PRDM16: variants seen among roughly 807,000 people sequenced by gnomAD.
PRDM16 encodes the protein PR/SET domain 16.
PRDM16 carries 23 observed loss-of-function variants against 110.6 expected under a neutral mutation model. The ratio of observed to expected loss-of-function variants is 0.21; its 90% CI spans 0.15 to 0.29. PRDM16 has a LOEUF of 0.29. PRDM16 is among the 10% of genes least tolerant of loss of function. PRDM16 has a pLI of 1.00. For synonymous variants in PRDM16, 799 were observed against 781.8 expected (o/e 1.02, Z -0.37); for missense variants, 1,615 against 1,794.3 (o/e 0.90, Z 1.81).
Position 3,114,331 on chromosome 1 carries a change from AAC to A in PRDM16, c.37+45037_37+45038del, listed in dbSNP as rs748908570. Reference sequence around the variant, plus strand: ...CACACACACGCACACACGCAGTGTAAACAGACGCGCACGCATGCACACATGCA... The same window carrying A: ...CACACACACGCACACACGCAGTGTAAAGACGCGCACGCATGCACACATGCA... On this transcript the variant is annotated intron_variant, in intron 1 of 16. Coordinates refer to ENST00000270722, the MANE Select transcript of PRDM16 (RefSeq NM_022114.4). Among the ~76,000 whole-genome samples the A allele has an allele frequency of 7.2e-4, 104 of 144,964 alleles. 1 individual carries two copies. The highest frequency in any genetic ancestry group is 1.3e-3 in the Non-Finnish European group (89 of 66,782).
In PRDM16 at chr1:3,436,656, G is replaced by C. The variant is rs1019159169; in HGVS notation, c.*2845G>C. 8.8e-6 allele frequency: 2 copies of C among 228,114 alleles called. No individual in the cohort carries two copies. The highest frequency in any genetic ancestry group is 4.5e-5 in the African/African-American group (2 of 44,702). The allele number at this position is 228,114 out of a possible 1,614,324, so 14.1% of individuals were successfully genotyped here. A position where few individuals can be genotyped will look rare whatever the true frequency, so the allele number is the denominator to read the frequency against. The stretch of plus-strand genomic sequence containing the variant: ...CCTCCCAGTTTTGCTCTGCCCAGCA[G>C]TGTTGGTGCCCAGAGATGACAAGGG... On this transcript the variant is annotated 3_prime_UTR_variant, in exon 17 of 17. Transcript: ENST00000270722.
At position 3,277,815 on chromosome 1, in the gene PRDM16, G is replaced by A. The variant is rs371861127; in HGVS notation, c.438+33678G>A. ...CACACAAACGCACAGTTGTGAACACGAGCATATGCACATGCACACACGTGC... is the reference window on the plus strand; with the variant it reads ...CACACAAACGCACAGTTGTGAACACAAGCATATGCACATGCACACACGTGC... On this transcript the variant is annotated intron_variant, in intron 3 of 16. Coordinates refer to ENST00000270722, the MANE Select transcript of PRDM16 (RefSeq NM_022114.4). Among the ~76,000 whole-genome samples, 62 of 137,184 alleles carry A rather than the reference G, an allele frequency of 4.5e-4. 1 individual carries two copies. The East Asian group carries it at 0.01, about 23-fold the overall frequency. The allele number at this position is 137,184 out of a possible 152,430, so 90.0% of individuals were successfully genotyped here.
rs1638915910 is a variant in PRDM16 at position 3,212,618 on chromosome 1, A to ATCCTCCCGGCCCCCTCGCTGC, written c.387+26144_387+26145insTCCTCCCGGCCCCCTCGCTGC. On this transcript the variant is annotated intron_variant, in intron 2 of 16. Coordinates refer to ENST00000270722, the MANE Select transcript of PRDM16 (RefSeq NM_022114.4). Reference sequence around the variant, plus strand: ...GCTCATCCTCCCGGCCCCCTCGCTGAGGTCCTCCCGCTCATCCTCCCGGCC... The same window carrying ATCCTCCCGGCCCCCTCGCTGC: ...GCTCATCCTCCCGGCCCCCTCGCTGATCCTCCCGGCCCCCTCGCTGCGGTCCTCCCGCTCATCCTCCCGGCC... Among the ~76,000 whole-genome samples, 614 of 122,616 alleles carry ATCCTCCCGGCCCCCTCGCTGC rather than the reference A, an allele frequency of 5.0e-3. 93 individuals are homozygous for ATCCTCCCGGCCCCCTCGCTGC. The highest frequency in any genetic ancestry group is 0.016 in the African/African-American group (428 of 27,360). 80.4% of individuals were successfully genotyped at this position (122,616 alleles called of 152,430 possible). A position where few individuals can be genotyped will look rare whatever the true frequency, so the allele number is the denominator to read the frequency against.
At chr1:3,400,766 A>G (rs1643455547) in intron 5 of PRDM16, among the ~76,000 whole-genome samples, 1 of 152,110 alleles carries the variant, frequency 6.6e-6, no homozygotes, top group African/African-American at 2.4e-5. Flanking sequence ...CAGGGCCAGG[A>G]TGCCTGGACA....
At position 3,385,423 on chromosome 1, in the gene PRDM16, G is replaced by T. The variant is rs534275580; in HGVS notation, c.573+137G>T. ...CATCTGCCAAGCCCTGGCCTGCAGT[G>T]GGGGTGCTGTTTGGTGCTTGGCCAG... On this transcript the variant is annotated intron_variant, in intron 4 of 16. Transcript: ENST00000270722. The T allele has an allele frequency of 4.2e-5, 40 of 945,852 alleles. 1 individual carries two copies. In the South Asian group the frequency reaches 5.7e-4, roughly 14 times the overall value. The allele number at this position is 945,852 out of a possible 1,614,324, so 58.6% of individuals were successfully genotyped here. A position where few individuals can be genotyped will look rare whatever the true frequency, so the allele number is the denominator to read the frequency against.
At chr1:3,199,339 C>T (rs192756177) in intron 2 of PRDM16, among the ~76,000 whole-genome samples, 25 of 152,336 alleles carry the variant, frequency 1.6e-4, no homozygotes, top group African/African-American at 5.3e-4. Context: ...GTGAAAACAA[C>T]GAGCCAGGCT....
At chr1:3,176,441 GCTC>G (rs1449174796) in intron 1 of PRDM16, among the ~76,000 whole-genome samples, 1 of 149,090 alleles carries the variant, frequency 6.7e-6, no homozygotes, top group Non-Finnish European at 1.5e-5. Context: ...GGGCAGCACA[GCTC>G]CTCAGAGCAG....
chr1:3,431,082 G>A lies in PRDM16; in HGVS notation c.3495G>A (p.Leu1165=), dbSNP rs1434425667. Reference sequence around the variant, plus strand: ...AGGATGAGGAGCCAGCCGCCTCCCTGGCCGTGGGCTTTGACCACACCCGAA... The same window carrying A: ...AGGATGAGGAGCCAGCCGCCTCCCTAGCCGTGGGCTTTGACCACACCCGAA... ...DEEDEEPAAS[L]AVGFDHTRRC... The change falls in exon 15 of 17, where the codon CTG becomes CTA. Residue 1165 remains leucine, a synonymous_variant. Transcript: ENST00000270722. 6.4e-7 allele frequency: 1 copy of A among 1,552,018 alleles called. No homozygotes were observed. Among genetic ancestry groups the A allele is most frequent in the Admixed American group, 2.0e-5 (1 of 51,148 alleles).
At position 3,269,772 on chromosome 1, in the gene PRDM16, G is replaced by T. The variant is rs544230308; in HGVS notation, c.438+25635G>T. On this transcript the variant is annotated intron_variant, in intron 3 of 16. Transcript: ENST00000270722. ...AGGAGCATAGTCCTGGAGGAGGACA[G>T]TCCCAGAGGAGGAAAGTCTCAGAGG... Among the ~76,000 whole-genome samples, 20 of 149,900 alleles carry T rather than the reference G, an allele frequency of 1.3e-4. 2 individuals are homozygous for T. The highest frequency in any genetic ancestry group is 4.7e-4 in the African/African-American group (19 of 40,470).
intron 2 of PRDM16, among the ~76,000 whole-genome samples, chr1:3,228,970 TC>T (rs1639350255): frequency 6.6e-6 from 1 of 152,228 alleles, no homozygotes; most frequent in Non-Finnish European, 1.5e-5. Flanking sequence ...AGAACAGCTC[TC>T]CCAGCCCTAA....
At chr1:3,426,686 C>G (rs1638617485) in intron 14 of PRDM16, among the ~76,000 whole-genome samples, 1 of 152,162 alleles carries the variant, frequency 6.6e-6, no homozygotes, top group Admixed American at 6.5e-5. Flanking sequence ...TGTACATGTA[C>G]ACATTCACAT....
intron 7 of PRDM16, among the ~76,000 whole-genome samples, 190 bp from the exon 8 acceptor site, chr1:3,405,305 C>T (rs1477303204): frequency 1.3e-5 from 2 of 152,196 alleles, no homozygotes; most frequent in Admixed American, 6.5e-5. Context: ...GGAGGCTCTG[C>T]GGCTCACTTA....
intron 3 of PRDM16, among the ~76,000 whole-genome samples, chr1:3,271,177 C>G (rs1640445397): frequency 6.6e-6 from 1 of 152,194 alleles, no homozygotes; most frequent in Non-Finnish European, 1.5e-5. Context: ...CCGGACGCCT[C>G]CAGGTCAGAA....
chr1:3,079,389 G>A (rs1641970181), intron 1 of PRDM16, among the ~76,000 whole-genome samples: 1 of 95,488 alleles, frequency 1.0e-5, no homozygotes, highest in Non-Finnish European at 2.4e-5. Flanking sequence ...CAGCCCCTGT[G>A]TGTGCACAGG....
chr1:3,105,528 G>A (rs1235313076), intron 1 of PRDM16, among the ~76,000 whole-genome samples: 2 of 152,222 alleles, frequency 1.3e-5, no homozygotes, highest in African/African-American at 4.8e-5. Context: ...GACCCCAAAG[G>A]GTTAAGGAGC....
intron 2 of PRDM16, among the ~76,000 whole-genome samples, chr1:3,224,808 G>A (rs974724740): frequency 1.3e-5 from 2 of 152,230 alleles, no homozygotes; most frequent in Non-Finnish European, 2.9e-5. Context: ...CCCTGGTTCC[G>A]AGGAGACCCT....
intron 1 of PRDM16, among the ~76,000 whole-genome samples, chr1:3,180,841 C>T (rs1216737831): frequency 6.7e-6 from 1 of 149,076 alleles, no homozygotes; most frequent in East Asian, 2.0e-4. Context: ...GGGCCCTCTG[C>T]TTACACACGC....
chr1:3,328,208 C>T lies in PRDM16; in HGVS notation c.439-56944C>T, dbSNP rs566964608. Reference sequence around the variant, plus strand: ...GGCACCACAGCCCTGTCCACACCCCCAGCTGTTGTGACTGAGGGACTTGTT... The same window carrying T: ...GGCACCACAGCCCTGTCCACACCCCTAGCTGTTGTGACTGAGGGACTTGTT... On this transcript the variant is annotated intron_variant, in intron 3 of 16. Transcript: ENST00000270722. Among the ~76,000 whole-genome samples the T allele has an allele frequency of 5.9e-5, 9 of 152,366 alleles. 1 individual carries two copies. In the South Asian group the frequency reaches 1.2e-3, roughly 21 times the overall value.
chr1:3,153,213 G>A (rs974554182), intron 1 of PRDM16, among the ~76,000 whole-genome samples: 6 of 152,192 alleles, frequency 3.9e-5, no homozygotes, highest in Admixed American at 1.3e-4. Flanking sequence ...CTGTAGCTCC[G>A]TGTCCTCAGG....
Sources: gnomAD v4.1 joint callset for allele counts (sites outside exome capture counted in the v4.1 genomes callset) on GRCh38, gnomAD v4.1.1 for gene constraint, MANE v1.5 for transcripts, NCBI Gene and HGNC (gene_info 2026-07-23, HGNC 2026-07-21) for gene names.